Variants in ROBO1 observed in about 807,000 individuals in gnomAD.
The protein encoded by ROBO1 is roundabout homolog 1.
In ROBO1, 149 loss-of-function variants were observed where a neutral mutation model predicts 195.9. The ratio of observed to expected loss-of-function variants is 0.76; its 90% CI spans 0.67 to 0.87. The LOEUF (loss-of-function observed/expected upper bound fraction) is 0.87, where lower values mean the gene tolerates loss of function less well. ROBO1 is among the 40% of genes least tolerant of loss of function. The pLI is 0.00. For missense variants in ROBO1, 1,933 were observed against 2,068.3 expected (o/e 0.93, Z 1.27); for synonymous variants, 816 against 733.2 (o/e 1.11, Z -1.82).
intron 2 of ROBO1, among the ~76,000 whole-genome samples, chr3:79,396,461 T>C (rs1202290463): frequency 6.6e-6 from 1 of 151,976 alleles, no homozygotes; most frequent in Non-Finnish European, 1.5e-5. Context: ...AACATTTTAA[T>C]TAGAAAAACA....
At chr3:78,883,217 A>C (rs2036289690) in intron 4 of ROBO1, among the ~76,000 whole-genome samples, 1 of 150,786 alleles carries the variant, frequency 6.6e-6, no homozygotes, top group African/African-American at 2.4e-5. Context: ...TTGGTGCTCA[A>C]GGTTTTAATT....
intron 2 of ROBO1, among the ~76,000 whole-genome samples, chr3:79,284,103 T>G (rs1012668631): frequency 8.6e-5 from 13 of 152,012 alleles, no homozygotes; most frequent in Non-Finnish European, 1.8e-4. Flanking sequence ...TATATATACA[T>G]GCATATATAT....
chr3:79,400,845 A>G (rs1478326930), intron 2 of ROBO1, among the ~76,000 whole-genome samples: 1 of 151,962 alleles, frequency 6.6e-6, no homozygotes, highest in Non-Finnish European at 1.5e-5. Context: ...AGTAAAAACA[A>G]TTCTAAGATA....
intron 2 of ROBO1, among the ~76,000 whole-genome samples, chr3:79,134,089 A>C (rs1285086791): frequency 6.8e-6 from 1 of 147,192 alleles, no homozygotes; most frequent in Admixed American, 6.9e-5. Context: ...CTACCATCAG[A>C]GTGAACAGGC....
chr3:78,944,861 T>C (rs1253159155), intron 3 of ROBO1, among the ~76,000 whole-genome samples: 1 of 152,138 alleles, frequency 6.6e-6, no homozygotes, highest in African/African-American at 2.4e-5. Context: ...CACCAGGAGA[T>C]TATATCCCGC....
intron 10 of ROBO1, among the ~76,000 whole-genome samples, chr3:78,682,055 G>C (rs968527835): frequency 1.3e-5 from 2 of 152,064 alleles, no homozygotes; most frequent in African/African-American, 4.8e-5. Context: ...TAATGAAACT[G>C]ATGTTTTAGC....
At chr3:79,705,416 C>A in intron 1 of ROBO1, among the ~76,000 whole-genome samples, 1 of 132,170 alleles carries the variant, frequency 7.6e-6, no homozygotes, top group Non-Finnish European at 1.6e-5. Flanking sequence ...ATTCTAGCAA[C>A]ATTTTTTAAA....
intron 2 of ROBO1, among the ~76,000 whole-genome samples, chr3:79,225,696 C>T (rs181469677): frequency 6.6e-6 from 1 of 152,266 alleles, no homozygotes; most frequent in Admixed American, 6.5e-5. Flanking sequence ...TACTTCCATA[C>T]CCTCTTATTA....
chr3:79,630,228 T>C (rs1353636088), intron 1 of ROBO1, among the ~76,000 whole-genome samples: 2 of 152,060 alleles, frequency 1.3e-5, no homozygotes, highest in African/African-American at 4.8e-5. Context: ...TGAAAATAGA[T>C]GCAAACATGC....
intron 28 of ROBO1, among the ~76,000 whole-genome samples, chr3:78,613,820 GCTGA>G (rs1450296919): frequency 1.3e-5 from 2 of 152,040 alleles, no homozygotes; most frequent in African/African-American, 2.4e-5. Flanking sequence ...TTGAAAAATT[GCTGA>G]CTGGTAATGA....
intron 2 of ROBO1, among the ~76,000 whole-genome samples, chr3:79,260,107 A>ATAT (rs1559771783): frequency 1.9e-4 from 27 of 145,832 alleles, no homozygotes; most frequent in African/African-American, 6.5e-4. Context: ...CACACACACA[A>ATAT]ATATATATAT....
chr3:78,700,825 G>A (rs1048267481), intron 8 of ROBO1, among the ~76,000 whole-genome samples: 53 of 149,384 alleles, frequency 3.5e-4, no homozygotes, highest in African/African-American at 1.1e-3. Flanking sequence ...GTGCAGTGTC[G>A]CGATCCCAGC....
chr3:78,724,383 A>G (rs767219678), intron 5 of ROBO1, among the ~76,000 whole-genome samples: 2 of 151,832 alleles, frequency 1.3e-5, no homozygotes, highest in Admixed American at 6.6e-5. Context: ...ACTAGTAACA[A>G]TCAACATTTT....
At chr3:78,991,697 C>T (rs939852240) in intron 3 of ROBO1, among the ~76,000 whole-genome samples, 3 of 152,006 alleles carry the variant, frequency 2.0e-5, no homozygotes, top group African/African-American at 4.8e-5. Flanking sequence ...GTGATAATTC[C>T]ACATGGGAAT....
At chr3:79,711,929 G>T (rs562150482) in intron 1 of ROBO1, among the ~76,000 whole-genome samples, 17 of 133,114 alleles carry the variant, frequency 1.3e-4, no homozygotes, top group Non-Finnish European at 1.9e-4. Context: ...ATGGGCGGGT[G>T]GGTGGGGGAG....
At chr3:79,427,057 G>A (rs2038475981) in intron 2 of ROBO1, among the ~76,000 whole-genome samples, 1 of 152,102 alleles carries the variant, frequency 6.6e-6, no homozygotes, top group African/African-American at 2.4e-5. Flanking sequence ...AGAACTTTGT[G>A]TATTGGAGAC....
intron 2 of ROBO1, among the ~76,000 whole-genome samples, chr3:79,319,836 G>A (rs923672916): frequency 6.6e-6 from 1 of 152,060 alleles, no homozygotes; most frequent in Non-Finnish European, 1.5e-5. Context: ...AGTTTAATAA[G>A]TTATAATTTA....
In ROBO1 at chr3:79,739,115, A is replaced by G. The variant is rs188184531; in HGVS notation, c.-51+28637T>C. Among the ~76,000 whole-genome samples, 5 of 152,322 alleles carry G rather than the reference A, an allele frequency of 3.3e-5. No individual in the cohort carries two copies. In the East Asian group the frequency reaches 9.6e-4, roughly 29 times the overall value. On this transcript the variant is annotated intron_variant, in intron 1 of 30. Coordinates refer to ENST00000464233, the MANE Select transcript of ROBO1 (RefSeq NM_002941.4). The stretch of plus-strand genomic sequence containing the variant: ...AGGTTTATGTTTGTTAGCAGGATGT[A>G]ATACTGTCTGGTTTATTGGATTGAG...
chr3:78,973,620 C>T (rs940297078), intron 3 of ROBO1, among the ~76,000 whole-genome samples: 29 of 144,328 alleles, frequency 2.0e-4, no homozygotes, highest in South Asian at 4.3e-4. Context: ...TTAATAACAG[C>T]TTGAAGGTAA....
Sources: allele counts gnomAD v4.1 joint callset (sites outside exome capture counted in the v4.1 genomes callset), GRCh38; gene constraint gnomAD v4.1.1; transcripts MANE v1.5; gene names NCBI Gene and HGNC (gene_info 2026-07-23, HGNC 2026-07-21).